The following FBXL5 variants were observed in gnomAD, a reference collection of about 807,000 sequenced individuals.
FBXL5 encodes F-box/LRR-repeat protein 5.
Under a neutral mutation model 78.3 loss-of-function variants are expected in FBXL5, and 26 were observed. The observed-to-expected ratio is 0.33, with a 90% CI of 0.24 to 0.46. FBXL5 has a LOEUF of 0.46. Among genes scored for constraint, FBXL5 ranks in the 20% least tolerant of loss-of-function variants. FBXL5 has a pLI of 1.00. For missense variants in FBXL5, 710 were observed against 829.2 expected, an observed-to-expected ratio of 0.86 and a Z score of 1.77; for synonymous variants, 295 against 282.5, an observed-to-expected ratio of 1.04 and a Z score of -0.45.
intron 4 of FBXL5, among the ~76,000 whole-genome samples, chr4:15,637,902 T>TTTAA: frequency 6.9e-6 from 1 of 144,802 alleles, no homozygotes; most frequent in Admixed American, 6.9e-5. Flanking sequence ...CTAGTTTTTT[T>TTTAA]AAAAAAAAAA....
chr4:15,670,870 G>C (rs958025482), intron 1 of FBXL5, among the ~76,000 whole-genome samples: 29 of 140,172 alleles, frequency 2.1e-4, no homozygotes, highest in African/African-American at 7.6e-4. Context: ...GTCTGAAAAA[G>C]TATGCTGCTT....
At chr4:15,678,658 G>A (rs1718082861) in intron 1 of FBXL5, among the ~76,000 whole-genome samples, 1 of 152,114 alleles carries the variant, frequency 6.6e-6, no homozygotes, top group African/African-American at 2.4e-5. Context: ...ATTAATTTAA[G>A]TATATTTACC....
intron 9 of FBXL5, among the ~76,000 whole-genome samples, chr4:15,612,886 C>A (rs1240940785): frequency 3.9e-5 from 6 of 152,110 alleles, no homozygotes; most frequent in African/African-American, 1.4e-4. Context: ...CATGTTTACA[C>A]AAAAACTTGC....
At chr4:15,653,147 T>C (rs575924109) in intron 1 of FBXL5, among the ~76,000 whole-genome samples, 14 of 152,100 alleles carry the variant, frequency 9.2e-5, no homozygotes, top group South Asian at 2.1e-4. Context: ...GTTCAGAAAA[T>C]TGGACTTTTA....
intron 1 of FBXL5, among the ~76,000 whole-genome samples, chr4:15,673,011 G>A (rs2148815532): frequency 6.6e-6 from 1 of 152,200 alleles, no homozygotes; most frequent in African/African-American, 2.4e-5. Flanking sequence ...ACCCTGGAAG[G>A]TCTTCAAGGG....
intron 2 of FBXL5, among the ~76,000 whole-genome samples, chr4:15,641,861 T>G (rs1714917923): frequency 6.6e-6 from 1 of 151,960 alleles, no homozygotes; most frequent in Admixed American, 6.6e-5. Flanking sequence ...ACCCTGTCTC[T>G]ACTAAAAATA....
chr4:15,658,201 AG>A, upstream of FBXL5, among the ~76,000 whole-genome samples: 1 of 152,368 alleles, frequency 6.6e-6, no homozygotes, highest in East Asian at 1.9e-4. Context: ...TTTCCCTAAT[AG>A]GGGATTAGTT....
At chr4:15,660,059 T>C (rs1717234160), upstream of FBXL5, 1 of 152,028 alleles carries the variant, frequency 6.6e-6, no homozygotes, top group African/African-American at 2.4e-5. Context: ...ATCAGTTCTG[T>C]TTCCTTCCTC....
intron 1 of FBXL5, among the ~76,000 whole-genome samples, chr4:15,676,397 T>C (rs1178428350): frequency 6.6e-6 from 1 of 152,022 alleles, no homozygotes; most frequent in East Asian, 1.9e-4. Flanking sequence ...ATATGGGAAA[T>C]TCAATCAGAC....
chr4:15,655,328 G>T lies in FBXL5; in HGVS notation c.-41C>A. The T allele has an allele frequency of 1.5e-6, 2 of 1,348,740 alleles. No homozygotes were observed. Among genetic ancestry groups the T allele is most frequent in the Non-Finnish European group, 2.0e-6 (2 of 1,022,662 alleles). The allele number at this position is 1,348,740 out of a possible 1,614,324, so 83.5% of individuals were successfully genotyped here. On this transcript the variant is annotated 5_prime_UTR_variant, in exon 1 of 11. Transcript: ENST00000341285. ...CTCCGCCTCAGCAGCCGCGGCCGCC[G>T]CCTCTCCATAGACACCCTCGCCGCG...
intron 1 of FBXL5, among the ~76,000 whole-genome samples, chr4:15,646,569 T>C (rs1026044854): frequency 1.3e-5 from 2 of 152,044 alleles, no homozygotes; most frequent in African/African-American, 4.8e-5. Flanking sequence ...TATTATACTT[T>C]AAGTTTTAGG....
At chr4:15,618,932 G>GCAAAGGCCACCGAC (rs370061144) in intron 9 of FBXL5, among the ~76,000 whole-genome samples, 4 of 151,908 alleles carry the variant, frequency 2.6e-5, no homozygotes, top group Non-Finnish European at 4.4e-5. Context: ...CACTTTGGGA[G>GCAAAGGCCACCGAC]TGCTTGAGCC....
At chr4:15,639,025 G>A (rs377444688) in intron 3 of FBXL5, among the ~76,000 whole-genome samples, 2 of 152,152 alleles carry the variant, frequency 1.3e-5, no homozygotes, top group East Asian at 1.9e-4. Flanking sequence ...GTAGCCGGGC[G>A]TGGTGGCGCA....
chr4:15,633,675 ACT>A (rs1329152650), intron 5 of FBXL5, among the ~76,000 whole-genome samples: 4 of 152,006 alleles, frequency 2.6e-5, no homozygotes, highest in Non-Finnish European at 5.9e-5. Flanking sequence ...CTCACTGCAA[ACT>A]CTGCCTCCTG....
At chr4:15,626,979 G>A (rs1278260247) in intron 7 of FBXL5, 24 bp from the exon 8 acceptor site, 3 of 1,510,800 alleles carry the variant, frequency 2.0e-6, no homozygotes, top group Non-Finnish European at 2.7e-6. Flanking sequence ...AATTGTCACT[G>A]TAAAGATCTG....
chr4:15,618,353 G>C (rs542323104), intron 9 of FBXL5, among the ~76,000 whole-genome samples: 1 of 152,222 alleles, frequency 6.6e-6, no homozygotes, highest in African/African-American at 2.4e-5. Flanking sequence ...GCAACACAAT[G>C]AGACTAAATA....
chr4:15,655,940 C>T (rs1031647905), upstream of FBXL5, among the ~76,000 whole-genome samples: 2 of 152,212 alleles, frequency 1.3e-5, no homozygotes, highest in African/African-American at 4.8e-5. Context: ...GAGCTTCGGT[C>T]CCGGGCGGCA....
chr4:15,671,467 C>G lies in FBXL5; in HGVS notation c.-284+9916G>C, dbSNP rs192378276. 2.3e-3 allele frequency among the ~76,000 whole-genome samples: 352 copies of G among 151,310 alleles called. 3 individuals carry two copies. Among genetic ancestry groups the G allele is most frequent in the African/African-American group, 8.2e-3 (340 of 41,226 alleles). ...TGGGTTTTTGTTTAAGAGACAGGGTCTCTCCACATTGCCCAGGCTGGTCTC... is the reference window on the plus strand; with the variant it reads ...TGGGTTTTTGTTTAAGAGACAGGGTGTCTCCACATTGCCCAGGCTGGTCTC... On this transcript the variant is annotated intron_variant, in intron 1 of 4. Transcript: ENST00000507899.
At position 15,636,537 on chromosome 4, in the gene FBXL5, C is replaced by T. The variant is rs1197607998; in HGVS notation, c.723G>A (p.Thr241=). The change falls in exon 5 of 11, where the codon ACG becomes ACA. Residue 241 remains threonine, a synonymous_variant. Transcript: ENST00000341285. ...GGTAAAGATGTTTCCAAAGCGATCC[C>T]GTTTTTGTCAGCTGAGACCATTTCA... The part of the protein sequence containing the change: ...VSMKWSQLTK[T]GSLWKHLYPV... 3.7e-6 allele frequency: 6 copies of T among 1,613,342 alleles called. No individual in the cohort carries two copies. Among genetic ancestry groups the T allele is most frequent in the Middle Eastern group, 1.6e-4 (1 of 6,084 alleles).
Sources: gnomAD v4.1 joint callset for allele counts (sites outside exome capture counted in the v4.1 genomes callset) on GRCh38, gnomAD v4.1.1 for gene constraint, MANE v1.5 for transcripts, NCBI Gene and HGNC (gene_info 2026-07-23, HGNC 2026-07-21) for gene names.